The following UBE2F variants were observed in gnomAD, a reference collection of about 807,000 sequenced individuals.
UBE2F encodes the protein NEDD8-conjugating enzyme UBE2F.
A neutral mutation model predicts 29.6 loss-of-function variants in UBE2F; 5 were observed. The observed-to-expected ratio is 0.17, with a 90% CI of 0.09 to 0.36. The LOEUF is 0.36. UBE2F is among the 10% of genes least tolerant of loss of function. The probability of loss-of-function intolerance (pLI) is 1.00; values close to 1 mark genes in which losing one functional copy is unlikely to be tolerated. For synonymous variants in UBE2F, 66 were observed against 81.8 expected (o/e 0.81, Z 1.04); for missense variants, 141 against 228.5 (o/e 0.62, Z 2.47).
chr2:237,994,229 G>C (rs1002568841), intron 3 of UBE2F, among the ~76,000 whole-genome samples: 1 of 151,414 alleles, frequency 6.6e-6, no homozygotes, highest in East Asian at 1.9e-4. Flanking sequence ...TCCTGCCTCA[G>C]CCTCCCAAGT....
chr2:237,993,275 C>A (rs2063626105), intron 3 of UBE2F, among the ~76,000 whole-genome samples: 1 of 151,916 alleles, frequency 6.6e-6, no homozygotes, highest in Admixed American at 6.6e-5. Flanking sequence ...CATGATCCAC[C>A]ATGCCTGGCC....
intron 3 of UBE2F, among the ~76,000 whole-genome samples, chr2:237,993,988 A>T (rs1037460352): frequency 2.0e-5 from 3 of 152,174 alleles, no homozygotes; most frequent in African/African-American, 7.2e-5. Context: ...TATTTTACCA[A>T]TAAAGCAAGC....
intron 4 of UBE2F, among the ~76,000 whole-genome samples, chr2:238,015,710 A>G (rs1449639303): frequency 6.6e-6 from 1 of 152,194 alleles, no homozygotes; most frequent in Non-Finnish European, 1.5e-5. Flanking sequence ...GATGATAAAT[A>G]TTTTAGGGGA....
chr2:238,029,595 C>CA (rs10557852), intron 6 of UBE2F, among the ~76,000 whole-genome samples: 93 of 134,974 alleles, frequency 6.9e-4, no homozygotes, highest in Middle Eastern at 3.7e-3. Context: ...GACTCCGTCT[C>CA]AAAAAAAAAA....
chr2:238,032,894 CAT>C (rs1420239294), intron 8 of UBE2F, among the ~76,000 whole-genome samples: 1 of 152,176 alleles, frequency 6.6e-6, no homozygotes, highest in Non-Finnish European at 1.5e-5. Flanking sequence ...TTTGGAGTGA[CAT>C]GTGGGGAGGT....
chr2:238,009,206 G>GT (rs1243748680), intron 4 of UBE2F, among the ~76,000 whole-genome samples: 1 of 152,178 alleles, frequency 6.6e-6, no homozygotes, highest in African/African-American at 2.4e-5. Flanking sequence ...CTTTGAAGTG[G>GT]TTTTTTCTTT....
chr2:237,973,812 A>G, intron 2 of UBE2F: 2 of 592,306 alleles, frequency 3.4e-6, no homozygotes, highest in Non-Finnish European at 2.3e-6. Context: ...GTGCATGCAG[A>G]TATGCATTCA....
intron 3 of UBE2F, among the ~76,000 whole-genome samples, chr2:237,991,609 C>CTTTTTTTTTTTTTTTTTTTTTTTTTT (rs774476848): frequency 1.3e-4 from 7 of 53,050 alleles, no homozygotes; most frequent in East Asian, 9.1e-4. Flanking sequence ...TTCTTTCTTT[C>CTTTTTTTTTTTTTTTTTTTTTTTTTT]TTTTTTTTTT....
intron 2 of UBE2F, among the ~76,000 whole-genome samples, chr2:237,974,451 A>G (rs2063234029): frequency 6.6e-6 from 1 of 151,114 alleles, no homozygotes; most frequent in Non-Finnish European, 1.5e-5. Context: ...TGGCCTCCCA[A>G]AGTGCTGGGA....
At chr2:237,983,618 T>C (rs1244558047) in intron 2 of UBE2F, among the ~76,000 whole-genome samples, 2 of 152,146 alleles carry the variant, frequency 1.3e-5, no homozygotes, top group Admixed American at 6.5e-5. Context: ...CTGGCCTCCA[T>C]TGCCCCTTCC....
In UBE2F at chr2:238,042,384, T is replaced by G. The variant is rs979798507; in HGVS notation, c.*1046T>G. 6.6e-5 allele frequency: 10 copies of G among 152,264 alleles called. No individual in the cohort carries two copies. The highest frequency in any genetic ancestry group is 1.3e-4 in the Admixed American group (2 of 15,290). The allele number at this position is 152,264 out of a possible 1,614,324, so 9.4% of individuals were successfully genotyped here. A position where few individuals can be genotyped will look rare whatever the true frequency, so the allele number is the denominator to read the frequency against. On this transcript the variant is annotated 3_prime_UTR_variant, in exon 10 of 10. Coordinates refer to ENST00000272930, the MANE Select transcript of UBE2F (RefSeq NM_080678.3). ...TGTCACTGAGACTGTACCTGTGGCC[T>G]TCTTCTGAGTTTGCTATGGCTCCAG...
rs773487137 is a variant in UBE2F, at chr2:238,032,203, G to T, written c.412-19G>T. ...CACTTTGGCTTAAAACTTGTTTTCT[G>T]TTTTCTTTTTTATTTCAGGATGTCG... On this transcript the variant is annotated intron_variant, in intron 7 of 9. Transcript: ENST00000272930. The T allele has an allele frequency of 9.3e-6, 15 of 1,610,824 alleles. No individual in the cohort carries two copies. In the East Asian group the frequency reaches 3.1e-4, roughly 34 times the overall value.
chr2:238,025,738 T>C (rs773998973), intron 6 of UBE2F, among the ~76,000 whole-genome samples: 2 of 152,190 alleles, frequency 1.3e-5, no homozygotes, highest in African/African-American at 2.4e-5. Flanking sequence ...ATTCCCTCCA[T>C]GTGGCTGATT....
chr2:238,021,720 G>A (rs541259393), intron 5 of UBE2F, among the ~76,000 whole-genome samples: 1 of 152,294 alleles, frequency 6.6e-6, no homozygotes, highest in East Asian at 1.9e-4. Context: ...TAGGCTCTGT[G>A]GACCACATAG....
intron 9 of UBE2F, among the ~76,000 whole-genome samples, chr2:238,038,611 T>C (rs2064772383): frequency 1.3e-5 from 2 of 152,222 alleles, no homozygotes; most frequent in Admixed American, 1.3e-4. Context: ...ATTTTACCTT[T>C]CTTTGTATGA....
intron 2 of UBE2F, among the ~76,000 whole-genome samples, chr2:237,978,459 C>G (rs2063324929): frequency 6.6e-6 from 1 of 152,208 alleles, no homozygotes; most frequent in Non-Finnish European, 1.5e-5. Context: ...GAGCCCAGTT[C>G]TGAACAGTGA....
intron 4 of UBE2F, among the ~76,000 whole-genome samples, chr2:237,996,723 G>T (rs2063700297): frequency 6.6e-6 from 1 of 152,128 alleles, no homozygotes; most frequent in African/African-American, 2.4e-5. Flanking sequence ...TGATCTGCCA[G>T]CCTCGGCTTC....
At chr2:237,988,037 A>G in intron 3 of UBE2F, 45 bp downstream of exon 3, 1 of 1,240,260 alleles carries the variant, frequency 8.1e-7, no homozygotes, top group Non-Finnish European at 1.1e-6. Context: ...AAATAATTGC[A>G]TGAAGAAAAC....
chr2:238,014,672 A>G (rs1412846252), intron 4 of UBE2F, among the ~76,000 whole-genome samples: 1 of 152,194 alleles, frequency 6.6e-6, no homozygotes, highest in Admixed American at 6.5e-5. Flanking sequence ...AGCATCATCC[A>G]AAAGCTGTGT....
Sources: allele counts gnomAD v4.1 joint callset (sites outside exome capture counted in the v4.1 genomes callset), GRCh38; gene constraint gnomAD v4.1.1; transcripts MANE v1.5; gene names NCBI Gene and HGNC (gene_info 2026-07-23, HGNC 2026-07-21).